The following ODAPH variants were observed in gnomAD, a reference collection of about 807,000 sequenced individuals.
The protein encoded by ODAPH is odontogenesis associated phosphoprotein.
ODAPH carries 2 observed loss-of-function variants against 2.8 expected under a neutral mutation model. The observed-to-expected ratio is 0.72, with a 90% confidence interval of 0.30 to 2.28. The LOEUF (loss-of-function observed/expected upper bound fraction) is 2.28. Ranked by LOEUF, ODAPH falls within the 30% of genes most tolerant of loss-of-function variation. The probability of loss-of-function intolerance (pLI) is 0.13; values close to 1 mark genes in which losing one functional copy is unlikely to be tolerated. For missense variants in ODAPH, 159 were observed against 163.3 expected, an observed-to-expected ratio of 0.97 and a Z score of 0.14; for synonymous variants, 75 against 60.3, an observed-to-expected ratio of 1.24 and a Z score of -1.13.
In ODAPH at chr4:75,557,417, A is replaced by T. The variant is rs563842613; in HGVS notation, c.67+1268A>T. Among the ~76,000 whole-genome samples, 10 of 152,306 alleles carry T rather than the reference A, an allele frequency of 6.6e-5. No homozygotes were observed. In the South Asian group the frequency reaches 2.1e-3, roughly 32 times the overall value. ...CATTTTGGGAGGCCGAGGTGGGCAG[A>T]TCACCTGAGGTCGGGAGTTCAAAAC... is the stretch of plus-strand genomic sequence containing the variant. On this transcript the variant is annotated intron_variant, in intron 1 of 1. Coordinates refer to ENST00000311623, the MANE Select transcript of ODAPH (RefSeq NM_178497.5).
intron 1 of ODAPH, chr4:75,556,706 G>A (rs1458261026): frequency 1.6e-5 from 12 of 728,672 alleles, no homozygotes; most frequent in Admixed American, 4.7e-5. Flanking sequence ...TTTCTCAACT[G>A]TTCCTATTCT....
chr4:75,564,781 A>G lies in ODAPH; in HGVS notation c.*342A>G. On this transcript the variant is annotated 3_prime_UTR_variant, in exon 2 of 2. Transcript: ENST00000311623. ...GAATCCATCTCCTCCTCTAAATTAA[A>G]CAGGATTTAAATAAATTGAGATCAT... is the stretch of plus-strand genomic sequence containing the variant. 1 of 480,284 alleles carries G rather than the reference A, an allele frequency of 2.1e-6. No homozygotes were observed. Among genetic ancestry groups the G allele is most frequent in the Non-Finnish European group, 3.7e-6 (1 of 269,012 alleles). The allele number at this position is 480,284 out of a possible 1,614,324, so 29.8% of individuals were successfully genotyped here. A position where few individuals can be genotyped will look rare whatever the true frequency, so the allele number is the denominator to read the frequency against.
intron 1 of ODAPH, among the ~76,000 whole-genome samples, chr4:75,559,629 C>T (rs1040043253): frequency 6.6e-6 from 1 of 152,204 alleles, no homozygotes; most frequent in Non-Finnish European, 1.5e-5. Flanking sequence ...TCTTATTAAG[C>T]TTGCAGAAGA....
chr4:75,564,285 G>A lies in ODAPH; in HGVS notation c.239G>A (p.Arg80Lys), dbSNP rs1727723344. 1.2e-6 allele frequency: 2 copies of A among 1,614,066 alleles called. No individual in the cohort carries two copies. Among genetic ancestry groups the A allele is most frequent in the Non-Finnish European group, 1.7e-6 (2 of 1,180,038 alleles). The part of the protein sequence containing the change: ...CPFHFFPRRP[R>K]IHFRFPNRPF... ...TTCCATTTTTTTCCACGAAGGCCCA[G>A]AATCCATTTTAGGTTTCCAAACAGA... The change falls in exon 2 of 2, where the codon AGA becomes AAA. Residue 80 changes from arginine (R) to lysine (K), a missense_variant. Physicochemically the swap from Arg to Lys is conservative, Grantham distance 26. Coordinates refer to ENST00000311623, the MANE Select transcript of ODAPH (RefSeq NM_178497.5).
At chr4:75,558,136 C>A (rs1727417473) in intron 1 of ODAPH, among the ~76,000 whole-genome samples, 2 of 152,166 alleles carry the variant, frequency 1.3e-5, no homozygotes, top group African/African-American at 4.8e-5. Context: ...CTGCGTTTGC[C>A]AGAGCCCCTA....
rs756382689 is a variant in ODAPH, at chr4:75,564,654, G to C, written c.*215G>C. On this transcript the variant is annotated 3_prime_UTR_variant, in exon 2 of 2. Transcript: ENST00000311623. ...GGTTGCAAAATTGGACAATAACCAC[G>C]TTATTTTTATCCTCAACCTCTTATG... is the stretch of plus-strand genomic sequence containing the variant. The C allele has an allele frequency of 1.1e-6, 1 of 944,266 alleles. No homozygotes were observed. The highest frequency in any genetic ancestry group is 1.5e-6 in the Non-Finnish European group (1 of 648,104). 58.5% of individuals were successfully genotyped at this position (944,266 alleles called of 1,614,324 possible).
At chr4:75,557,845 C>T (rs1335163628) in intron 1 of ODAPH, among the ~76,000 whole-genome samples, 7 of 152,182 alleles carry the variant, frequency 4.6e-5, no homozygotes, top group African/African-American at 1.7e-4. Flanking sequence ...CACTGATGCA[C>T]GGCAGCAACC....
chr4:75,557,704 A>G (rs939279523), intron 1 of ODAPH, among the ~76,000 whole-genome samples: 3 of 152,102 alleles, frequency 2.0e-5, no homozygotes, highest in African/African-American at 7.2e-5. Flanking sequence ...TTTCCCTACA[A>G]TCCCTCGAAG....
rs185798783 is a variant in ODAPH at position 75,560,668 on chromosome 4, T to C, written c.68-3446T>C. On this transcript the variant is annotated intron_variant, in intron 1 of 1. Transcript: ENST00000311623. ...AAGCTTATACCTTGATCTTGAACCC[T>C]TGAAAATTCCCAGAAAAAGAGAGCA... Among the ~76,000 whole-genome samples the C allele has an allele frequency of 6.5e-3, 992 of 152,344 alleles. 29 individuals are homozygous for C. Among genetic ancestry groups the C allele is most frequent in the Admixed American group, 0.052 (794 of 15,302 alleles).
chr4:75,564,470 A>C lies in ODAPH; in HGVS notation c.*31A>C, dbSNP rs764141250. The C allele has an allele frequency of 1.2e-6, 2 of 1,612,656 alleles. No individual in the cohort carries two copies. The highest frequency in any genetic ancestry group is 4.5e-5 in the East Asian group (2 of 44,876). On this transcript the variant is annotated 3_prime_UTR_variant, in exon 2 of 2. Coordinates refer to ENST00000311623, the MANE Select transcript of ODAPH (RefSeq NM_178497.5). The stretch of plus-strand genomic sequence containing the variant: ...AAGAGAAACCCAAACATACTGAAGC[A>C]AAAAAAAGCCTATCCTTCAGAAAAA...
chr4:75,558,319 T>C (rs1196911601), intron 1 of ODAPH, among the ~76,000 whole-genome samples: 1 of 152,192 alleles, frequency 6.6e-6, no homozygotes, highest in Non-Finnish European at 1.5e-5. Context: ...TGTGAGTAAA[T>C]CAATCATAGA....
At chr4:75,563,465 G>A (rs967066221) in intron 1 of ODAPH, 1 of 155,396 alleles carries the variant, frequency 6.4e-6, no homozygotes, top group Non-Finnish European at 1.4e-5. Flanking sequence ...ACACCTGTGT[G>A]TGTATACATG....
rs202035661 is a variant in ODAPH at position 75,564,232 on chromosome 4, G to A, written c.186G>A (p.Gln62=). ...CGAGGAGTCCGGTCACAAGGGCCCAGCCCATCACAAAGACACCCAGGTGTC... is the reference window on the plus strand; with the variant it reads ...CGAGGAGTCCGGTCACAAGGGCCCAACCCATCACAAAGACACCCAGGTGTC... The part of the protein sequence containing the change: ...PAPRSPVTRA[Q]PITKTPRCPF... The change falls in exon 2 of 2, where the codon CAG becomes CAA. Residue 62 remains glutamine (Q), a synonymous_variant. Transcript: ENST00000311623. The A allele has an allele frequency of 1.5e-5, 25 of 1,614,206 alleles. No homozygotes were observed. The East Asian group carries it at 4.9e-4, about 32-fold the overall frequency.
chr4:75,564,968 A>G (rs768477242), downstream of ODAPH: 54 of 168,480 alleles, frequency 3.2e-4, 1 homozygote, highest in Middle Eastern at 3.2e-3. Flanking sequence ...AAAGATATAA[A>G]CTGACTTGTC....
chr4:75,565,327 T>C (rs1727770748), downstream of ODAPH: 1 of 152,206 alleles, frequency 6.6e-6, no homozygotes, highest in South Asian at 2.1e-4. Context: ...CTATAGTATC[T>C]AAATTTACTT....
chr4:75,565,108 T>C (rs960058347), downstream of ODAPH: 16 of 154,730 alleles, frequency 1.0e-4, no homozygotes, highest in African/African-American at 2.9e-4. Flanking sequence ...GCAATTCTCT[T>C]GCCTCAGCCT....
chr4:75,556,851 A>T (rs1359856825), intron 1 of ODAPH, among the ~76,000 whole-genome samples: 2 of 152,332 alleles, frequency 1.3e-5, no homozygotes, highest in East Asian at 3.9e-4. Context: ...GGGAGCCTAG[A>T]TCTAACCTTT....
chr4:75,556,648 C>A (rs1276314454), intron 1 of ODAPH: 1 of 1,242,728 alleles, frequency 8.0e-7, no homozygotes. Context: ...ATTTTGGTGC[C>A]ACAGAGGTGG....
At chr4:75,563,665 C>T (rs946734307) in intron 1 of ODAPH, among the ~76,000 whole-genome samples, 1 of 152,160 alleles carries the variant, frequency 6.6e-6, no homozygotes, top group Non-Finnish European at 1.5e-5. Flanking sequence ...TAAAGGGAGT[C>T]GTACAGTATG....
Sources: gnomAD v4.1 joint callset for allele counts (sites outside exome capture counted in the v4.1 genomes callset) on GRCh38, gnomAD v4.1.1 for gene constraint, MANE v1.5 for transcripts, NCBI Gene and HGNC (gene_info 2026-07-23, HGNC 2026-07-21) for gene names.